The following LDB2 variants were observed in gnomAD, a reference collection of about 807,000 sequenced individuals.
LDB2 encodes the protein LIM domain binding 2.
A neutral mutation model predicts 44.3 loss-of-function variants in LDB2; 12 were observed. The ratio of observed to expected loss-of-function variants is 0.27; its 90% CI spans 0.17 to 0.44. The LOEUF (loss-of-function observed/expected upper bound fraction) is 0.44, where lower values mean the gene tolerates loss of function less well. Ranked by LOEUF, LDB2 falls within the 20% of genes least tolerant of loss-of-function variation. LDB2 has a pLI of 1.00. For synonymous variants in LDB2, 164 were observed against 174.8 expected, an observed-to-expected ratio of 0.94 and a Z score of 0.49; for missense variants, 344 against 473.5, an observed-to-expected ratio of 0.73 and a Z score of 2.54.
At chr4:16,674,226 A>G (rs1434798296) in intron 2 of LDB2, 1 of 1,288,626 alleles carries the variant, frequency 7.8e-7, no homozygotes, top group Non-Finnish European at 1.0e-6. Context: ...AAGCAATTAC[A>G]TGATAGGAAA....
chr4:16,654,855 C>T (rs1460139415), intron 2 of LDB2, among the ~76,000 whole-genome samples: 1 of 152,092 alleles, frequency 6.6e-6, no homozygotes, highest in Non-Finnish European at 1.5e-5. Flanking sequence ...CTATTTGATT[C>T]ACGTTAACTT....
intron 7 of LDB2, 129 bp downstream of exon 7, chr4:16,508,406 A>T (rs1363870903): frequency 3.7e-6 from 3 of 811,112 alleles, no homozygotes; most frequent in African/African-American, 1.8e-5. Context: ...CCTGTCTTTT[A>T]TCCCTCCCCC....
intron 3 of LDB2, among the ~76,000 whole-genome samples, chr4:16,593,479 A>C (rs993559781): frequency 2.0e-5 from 3 of 152,036 alleles, no homozygotes; most frequent in Non-Finnish European, 4.4e-5. Context: ...AAAACAAAAA[A>C]CAAAAAATTG....
intron 2 of LDB2, among the ~76,000 whole-genome samples, chr4:16,716,390 T>C (rs1757082857): frequency 6.6e-6 from 1 of 152,154 alleles, no homozygotes; most frequent in Non-Finnish European, 1.5e-5. Context: ...GGAGAATTTG[T>C]TTAGGGAACT....
At chr4:16,511,873 A>T in intron 6 of LDB2, 108 bp downstream of exon 6, 1 of 1,261,192 alleles carries the variant, frequency 7.9e-7, no homozygotes, top group Non-Finnish European at 1.1e-6. Flanking sequence ...CTAATAAGCT[A>T]CTTGTCCTGA....
chr4:16,751,070 A>G (rs1375336340), intron 2 of LDB2: 1 of 152,196 alleles, frequency 6.6e-6, no homozygotes, highest in Non-Finnish European at 1.5e-5. Flanking sequence ...CATAGATAAC[A>G]TAGTCACACA....
chr4:16,624,317 G>C (rs13107321), intron 2 of LDB2, among the ~76,000 whole-genome samples: 2,191 of 151,858 alleles, frequency 0.014, 30 homozygotes, highest in South Asian at 0.045. Context: ...GGCTAGTCTC[G>C]AACTCCTGGG....
At chr4:16,744,322 A>T (rs552362911) in intron 2 of LDB2, among the ~76,000 whole-genome samples, 1 of 150,560 alleles carries the variant, frequency 6.6e-6, no homozygotes, top group Non-Finnish European at 1.5e-5. Context: ...ATGCCCAGCT[A>T]ATTTTTGTAT....
chr4:16,609,589 C>T (rs953761349), intron 2 of LDB2, among the ~76,000 whole-genome samples: 6 of 152,196 alleles, frequency 3.9e-5, no homozygotes, highest in African/African-American at 1.4e-4. Context: ...TGGCAGTCTG[C>T]GGCCAGAGTG....
At chr4:16,661,851 G>A (rs1349203067) in intron 2 of LDB2, among the ~76,000 whole-genome samples, 1 of 152,168 alleles carries the variant, frequency 6.6e-6, no homozygotes, top group Non-Finnish European at 1.5e-5. Context: ...TTACCAGTAA[G>A]AGCAGTCAGA....
At chr4:16,667,939 C>T (rs895628366) in intron 2 of LDB2, among the ~76,000 whole-genome samples, 11 of 152,190 alleles carry the variant, frequency 7.2e-5, no homozygotes, top group Non-Finnish European at 1.5e-4. Context: ...ACGATCACCA[C>T]AACCTCTCAT....
At chr4:16,838,790 GAGCAA>G (rs1187750585) in intron 1 of LDB2, among the ~76,000 whole-genome samples, 1 of 152,198 alleles carries the variant, frequency 6.6e-6, no homozygotes. Flanking sequence ...TCCATGCACT[GAGCAA>G]AGAATAAAAA....
intron 1 of LDB2, among the ~76,000 whole-genome samples, chr4:16,831,159 C>T (rs1783990647): frequency 6.8e-6 from 1 of 146,540 alleles, no homozygotes; most frequent in Non-Finnish European, 1.5e-5. Flanking sequence ...CCTTGGACAA[C>T]TCAGCCTCTC....
intron 5 of LDB2, among the ~76,000 whole-genome samples, chr4:16,572,276 C>G (rs1430812058): frequency 6.6e-6 from 1 of 152,106 alleles, no homozygotes; most frequent in Admixed American, 6.5e-5. Context: ...AAGACTGTTT[C>G]CTGGGAGCAA....
intron 2 of LDB2, among the ~76,000 whole-genome samples, chr4:16,713,356 T>G (rs1756355336): frequency 7.9e-6 from 1 of 126,616 alleles, no homozygotes; most frequent in South Asian, 2.4e-4. Flanking sequence ...ATAAAATAAA[T>G]AGTAAAGCTT....
intron 2 of LDB2, among the ~76,000 whole-genome samples, chr4:16,691,206 G>T (rs1200526320): frequency 6.6e-6 from 1 of 152,002 alleles, no homozygotes. Flanking sequence ...AGGCTCTAAG[G>T]TCTTTTCTCT....
chr4:16,522,831 G>T (rs1281299444), intron 5 of LDB2, among the ~76,000 whole-genome samples: 1 of 152,178 alleles, frequency 6.6e-6, no homozygotes, highest in Non-Finnish European at 1.5e-5. Flanking sequence ...AGGCACAGTA[G>T]TTAGAGGTTT....
At chr4:16,846,616 CA>C in intron 1 of LDB2, among the ~76,000 whole-genome samples, 1 of 152,210 alleles carries the variant, frequency 6.6e-6, no homozygotes, top group Non-Finnish European at 1.5e-5. Context: ...ATTTTGGAAA[CA>C]TTTATATGTT....
intron 1 of LDB2, among the ~76,000 whole-genome samples, chr4:16,766,524 G>A (rs79232226): frequency 1.9e-5 from 2 of 107,078 alleles, no homozygotes; most frequent in Non-Finnish European, 3.6e-5. Flanking sequence ...TTTTTTTTTT[G>A]AGACAGAATC....
Sources: gnomAD v4.1 joint callset for allele counts (sites outside exome capture counted in the v4.1 genomes callset) on GRCh38, gnomAD v4.1.1 for gene constraint, MANE v1.5 for transcripts, NCBI Gene and HGNC (gene_info 2026-07-23, HGNC 2026-07-21) for gene names.